Variants in STPG2 observed in about 807,000 individuals in gnomAD.
STPG2 encodes the protein sperm tail PG-rich repeat containing 2.
Under a neutral mutation model 54.2 loss-of-function variants are expected in STPG2, and 56 were observed. That is an observed-to-expected ratio of 1.03 (90% confidence interval 0.83 to 1.29). STPG2 has a LOEUF of 1.29. Ranked by LOEUF, STPG2 falls within the 50% of genes most tolerant of loss-of-function variation. The pLI is 0.00. For synonymous variants in STPG2, 200 were observed against 181.8 expected, an observed-to-expected ratio of 1.10 and a Z score of -0.81; for missense variants, 596 against 544.9, an observed-to-expected ratio of 1.09 and a Z score of -0.93.
chr4:97,995,172 C>G (rs1388451063), intron 5 of STPG2, among the ~76,000 whole-genome samples: 2 of 139,334 alleles, frequency 1.4e-5, no homozygotes, highest in East Asian at 2.4e-4. Context: ...GCCCCCTCAC[C>G]CCCCCACCCC....
At chr4:97,726,842 T>TAC (rs375476697) in intron 9 of STPG2, among the ~76,000 whole-genome samples, 5,891 of 149,256 alleles carry the variant, frequency 0.039, 263 homozygotes, top group African/African-American at 0.11. Context: ...AATACAAACA[T>TAC]ACACACACAC....
At chr4:98,076,263 A>C (rs1049354026) in intron 5 of STPG2, among the ~76,000 whole-genome samples, 4 of 151,170 alleles carry the variant, frequency 2.6e-5, no homozygotes. Context: ...AAAAAGAAGC[A>C]GCAAATGAGT....
intron 9 of STPG2, among the ~76,000 whole-genome samples, chr4:97,806,672 G>C (rs1023355073): frequency 6.6e-6 from 1 of 152,030 alleles, no homozygotes; most frequent in African/African-American, 2.4e-5. Flanking sequence ...GTTCATCAAT[G>C]ATAAAAATAT....
chr4:98,110,719 T>G (rs1739323060), intron 3 of STPG2, among the ~76,000 whole-genome samples: 1 of 152,110 alleles, frequency 6.6e-6, no homozygotes. Context: ...GGTCTCTCAC[T>G]CTGCCTTATG....
intron 5 of STPG2, among the ~76,000 whole-genome samples, chr4:98,090,995 A>C (rs1466945857): frequency 1.4e-5 from 2 of 148,048 alleles, no homozygotes; most frequent in Non-Finnish European, 1.5e-5. Flanking sequence ...ACACACACAA[A>C]ATGTCACATG....
intron 5 of STPG2, among the ~76,000 whole-genome samples, chr4:98,073,481 T>C (rs902141622): frequency 2.0e-4 from 31 of 152,142 alleles, no homozygotes; most frequent in African/African-American, 7.5e-4. Flanking sequence ...ATCCCAGCAC[T>C]TTGGGAAGCC....
chr4:97,785,842 A>T (rs185736226), intron 9 of STPG2, among the ~76,000 whole-genome samples: 1 of 151,974 alleles, frequency 6.6e-6, no homozygotes, highest in African/African-American at 2.4e-5. Context: ...GACATGGCAA[A>T]AAAAAAACTA....
chr4:97,947,395 T>C (rs1733275706), intron 7 of STPG2, among the ~76,000 whole-genome samples: 1 of 152,158 alleles, frequency 6.6e-6, no homozygotes, highest in Non-Finnish European at 1.5e-5. Flanking sequence ...ATGCACTGTA[T>C]TTCCTTCTGT....
At chr4:97,877,810 T>C (rs895620220) in intron 8 of STPG2, among the ~76,000 whole-genome samples, 1 of 152,056 alleles carries the variant, frequency 6.6e-6, no homozygotes, top group Admixed American at 6.6e-5. Context: ...TTCCCAACGG[T>C]CCCCAAAAGT....
At chr4:97,779,179 C>G (rs879910271) in intron 9 of STPG2, among the ~76,000 whole-genome samples, 2 of 152,088 alleles carry the variant, frequency 1.3e-5, no homozygotes, top group Non-Finnish European at 2.9e-5. Flanking sequence ...AGCTGAAAAC[C>G]TTGAAACAAG....
chr4:97,954,853 G>C (rs1175443771), intron 7 of STPG2, among the ~76,000 whole-genome samples: 1 of 151,898 alleles, frequency 6.6e-6, no homozygotes, highest in African/African-American at 2.4e-5. Context: ...AAAACAGAAG[G>C]CATGGTCAAA....
At chr4:97,957,148 G>GTGAAATATATATGAAATATATATA in intron 7 of STPG2, among the ~76,000 whole-genome samples, 1 of 144,792 alleles carries the variant, frequency 6.9e-6, no homozygotes, top group South Asian at 2.3e-4. Context: ...AAATATACAT[G>GTGAAATATATATGAAATATATATA]TGAAATATAT....
chr4:98,014,975 C>G (rs905098590), intron 5 of STPG2, among the ~76,000 whole-genome samples: 1 of 152,114 alleles, frequency 6.6e-6, no homozygotes, highest in African/African-American at 2.4e-5. Flanking sequence ...ATCCACTGAC[C>G]ATGTTATGAT....
At chr4:97,603,918 AT>A (rs1043232907) in intron 10 of STPG2, among the ~76,000 whole-genome samples, 1 of 151,710 alleles carries the variant, frequency 6.6e-6, no homozygotes, top group Non-Finnish European at 1.5e-5. Flanking sequence ...TGCACAAAAA[AT>A]GTCAATGTAC....
intron 5 of STPG2, among the ~76,000 whole-genome samples, chr4:98,028,008 C>T (rs13127542): frequency 0.39 from 59,920 of 151,946 alleles, 12,048 homozygotes; most frequent in Middle Eastern, 0.46. Context: ...CTCTACAGGT[C>T]TTTCCTAGAT....
rs902006636 is a variant in STPG2, at chr4:97,503,591, G to A, written c.462+209108C>T. Among the ~76,000 whole-genome samples, 9 of 150,850 alleles carry A rather than the reference G, an allele frequency of 6.0e-5. 1 individual carries two copies. The highest frequency in any genetic ancestry group is 5.3e-4 in the Admixed American group (8 of 15,080). ...ATGAGCCACCGTGCCTGGCTAGTAT[G>A]TATGTTTTTAAAAGTTAAAATGGAA... On this transcript the variant is annotated intron_variant, in intron 4 of 4. Coordinates refer to the STPG2 transcript ENST00000522676.
At chr4:97,964,971 C>T (rs1734036539) in intron 7 of STPG2, among the ~76,000 whole-genome samples, 1 of 152,164 alleles carries the variant, frequency 6.6e-6, no homozygotes, top group South Asian at 2.1e-4. Context: ...GCACCTGGTT[C>T]ATCTCACTGG....
chr4:97,714,593 A>G (rs1724232620), intron 9 of STPG2, among the ~76,000 whole-genome samples: 3 of 152,186 alleles, frequency 2.0e-5, no homozygotes, highest in Non-Finnish European at 4.4e-5. Flanking sequence ...ACTATAAAAC[A>G]ATAGCATGCA....
intron 5 of STPG2, among the ~76,000 whole-genome samples, chr4:98,096,622 A>T (rs1315508561): frequency 6.6e-6 from 1 of 152,100 alleles, no homozygotes; most frequent in Non-Finnish European, 1.5e-5. Context: ...AATAAAGATC[A>T]GAGTAGAAAT....
Sources: gnomAD v4.1 joint callset for allele counts (sites outside exome capture counted in the v4.1 genomes callset) on GRCh38, gnomAD v4.1.1 for gene constraint, MANE v1.5 for transcripts, NCBI Gene and HGNC (gene_info 2026-07-23, HGNC 2026-07-21) for gene names.